The following KCND2 variants were observed in gnomAD, a reference collection of about 807,000 sequenced individuals.
KCND2 encodes A-type voltage-gated potassium channel KCND2.
A neutral mutation model predicts 54.4 loss-of-function variants in KCND2; 16 were observed. The observed-to-expected ratio is 0.29, with a 90% CI of 0.20 to 0.45. KCND2 has a LOEUF of 0.45. Ranked by LOEUF, KCND2 falls within the 20% of genes least tolerant of loss-of-function variation. The pLI is 1.00. For missense variants in KCND2, 486 were observed against 824.2 expected (o/e 0.59, Z 5.02); for synonymous variants, 317 against 310.7 (o/e 1.02, Z -0.21).
intron 1 of KCND2, among the ~76,000 whole-genome samples, chr7:120,560,785 CTGAG>C (rs1389306501): frequency 6.6e-6 from 1 of 152,116 alleles, no homozygotes; most frequent in Non-Finnish European, 1.5e-5. Flanking sequence ...ATTTTAAGCA[CTGAG>C]TAATTGCTCA....
intron 1 of KCND2, among the ~76,000 whole-genome samples, chr7:120,364,759 T>C (rs527349171): frequency 6.6e-6 from 1 of 151,552 alleles, no homozygotes; most frequent in African/African-American, 2.4e-5. Flanking sequence ...ACCTGGGGAG[T>C]GGTAGAGGAT....
chr7:120,299,856 T>C (rs567458261), intron 1 of KCND2, among the ~76,000 whole-genome samples: 1 of 152,346 alleles, frequency 6.6e-6, no homozygotes, highest in African/African-American at 2.4e-5. Context: ...AAGTGGCTGA[T>C]CCAGAGGTTT....
At chr7:120,489,287 A>T (rs955146499) in intron 1 of KCND2, among the ~76,000 whole-genome samples, 4 of 152,086 alleles carry the variant, frequency 2.6e-5, no homozygotes, top group African/African-American at 7.2e-5. Context: ...TATGAACTAG[A>T]TAGATGCATA....
chr7:120,425,908 C>T (rs117315555), intron 1 of KCND2, among the ~76,000 whole-genome samples: 3,074 of 151,172 alleles, frequency 0.02, 50 homozygotes, highest in Non-Finnish European at 0.031. Flanking sequence ...CTACTTTCCT[C>T]TTTCTCCTAT....
chr7:120,590,959 ATT>A (rs1000306693), intron 1 of KCND2, among the ~76,000 whole-genome samples: 1 of 151,558 alleles, frequency 6.6e-6, no homozygotes, highest in African/African-American at 2.4e-5. Context: ...ATGGTTGAAT[ATT>A]TTTTTTCTTG....
At position 120,462,649 on chromosome 7, in the gene KCND2, C is replaced by G. The variant is rs116591571; in HGVS notation, c.1115+186902C>G. ...CTATAATCTCTGCCCTGAGCCCTAT[C>G]CCTTGGCTGAAATAATCATTTACCT... On this transcript the variant is annotated intron_variant, in intron 1 of 5. Coordinates refer to ENST00000331113, the MANE Select transcript of KCND2 (RefSeq NM_012281.3). Among the ~76,000 whole-genome samples, 643 of 151,940 alleles carry G rather than the reference C, an allele frequency of 4.2e-3. 8 individuals carry two copies. Among genetic ancestry groups the G allele is most frequent in the African/African-American group, 0.015 (628 of 41,488 alleles).
rs116388267 is a variant in KCND2 at position 120,738,039 on chromosome 7, C to T, written c.1279-3495C>T. On this transcript the variant is annotated intron_variant, in intron 2 of 5. Coordinates refer to ENST00000331113, the MANE Select transcript of KCND2 (RefSeq NM_012281.3). ...TTGACTTCCACCCTCTGTTCCACAACATAAACTATAAAGTTTATGTCACTT... is the reference window on the plus strand; with the variant it reads ...TTGACTTCCACCCTCTGTTCCACAATATAAACTATAAAGTTTATGTCACTT... 8.0e-3 allele frequency among the ~76,000 whole-genome samples: 1,219 copies of T among 152,054 alleles called. 18 individuals are homozygous for T. The highest frequency in any genetic ancestry group is 0.028 in the African/African-American group (1,170 of 41,498).
chr7:120,304,858 C>T (rs926743738), intron 1 of KCND2, among the ~76,000 whole-genome samples: 11 of 152,078 alleles, frequency 7.2e-5, no homozygotes, highest in East Asian at 3.9e-4. Flanking sequence ...CCTGGGCAGG[C>T]GATAGGAATA....
chr7:120,686,787 A>G (rs896288253), intron 1 of KCND2, among the ~76,000 whole-genome samples: 6 of 152,074 alleles, frequency 3.9e-5, no homozygotes, highest in African/African-American at 1.4e-4. Context: ...GTGTTCCTAG[A>G]AAAAGGTCAT....
chr7:120,398,547 G>T (rs1244367897), intron 1 of KCND2, among the ~76,000 whole-genome samples: 1 of 152,018 alleles, frequency 6.6e-6, no homozygotes, highest in Non-Finnish European at 1.5e-5. Flanking sequence ...GTTTGTGGAG[G>T]CTTTACAGAA....
chr7:120,738,896 G>A (rs943841972), intron 2 of KCND2, among the ~76,000 whole-genome samples: 2 of 151,828 alleles, frequency 1.3e-5, no homozygotes, highest in Non-Finnish European at 2.9e-5. Flanking sequence ...ATTTGTTGTG[G>A]TGCTCCGCAA....
intron 1 of KCND2, among the ~76,000 whole-genome samples, chr7:120,697,380 ATTTT>A (rs571764791): frequency 6.6e-6 from 1 of 151,974 alleles, no homozygotes. Flanking sequence ...GTATGTGAAG[ATTTT>A]TTTTATTATA....
rs1477255483 is a variant in KCND2 at position 120,568,776 on chromosome 7, G to C, written c.1116-164127G>C. On this transcript the variant is annotated intron_variant, in intron 1 of 5. Transcript: ENST00000331113. ...AGGTGGTACTTCATAGGGTTGCTTT[G>C]AGGATAAAACAAGTTAATTTAGAAA... is the stretch of plus-strand genomic sequence containing the variant. Among the ~76,000 whole-genome samples, 3 of 152,254 alleles carry C rather than the reference G, an allele frequency of 2.0e-5. No individual in the cohort carries two copies. The South Asian group carries it at 6.2e-4, about 32-fold the overall frequency.
At chr7:120,327,262 T>G (rs1415146720) in intron 1 of KCND2, among the ~76,000 whole-genome samples, 1 of 152,058 alleles carries the variant, frequency 6.6e-6, no homozygotes, top group Non-Finnish European at 1.5e-5. Context: ...CTGCAGATGG[T>G]ATAACACAGG....
chr7:120,712,608 T>C (rs933587300), intron 1 of KCND2, among the ~76,000 whole-genome samples: 1 of 151,958 alleles, frequency 6.6e-6, no homozygotes, highest in Non-Finnish European at 1.5e-5. Flanking sequence ...GGAATACAAA[T>C]GAATAAAAGA....
rs1023802498 is a variant in KCND2, at chr7:120,637,264, T to C, written c.1116-95639T>C. ...AGGAGAGTAAAATTAAATAAGAAACTGGTGAGAACAAAAAGTCCAGGCATT... is the reference window on the plus strand; with the variant it reads ...AGGAGAGTAAAATTAAATAAGAAACCGGTGAGAACAAAAAGTCCAGGCATT... On this transcript the variant is annotated intron_variant, in intron 1 of 5. Transcript: ENST00000331113. Among the ~76,000 whole-genome samples the C allele has an allele frequency of 2.0e-5, 3 of 152,200 alleles. No homozygotes were observed. The East Asian group carries it at 5.8e-4, about 29-fold the overall frequency.
chr7:120,307,174 A>C (rs1412787053), intron 1 of KCND2, among the ~76,000 whole-genome samples: 1 of 152,038 alleles, frequency 6.6e-6, no homozygotes, highest in Non-Finnish European at 1.5e-5. Flanking sequence ...TTTTCTATCT[A>C]ATAGACACAA....
intron 1 of KCND2, among the ~76,000 whole-genome samples, chr7:120,295,222 G>A (rs2116283635): frequency 6.6e-6 from 1 of 151,880 alleles, no homozygotes; most frequent in East Asian, 1.9e-4. Flanking sequence ...AAAATATCAA[G>A]ATCTCTTCTT....
chr7:120,521,662 T>C (rs767073733), intron 1 of KCND2, among the ~76,000 whole-genome samples: 83 of 152,264 alleles, frequency 5.5e-4, no homozygotes, highest in South Asian at 2.3e-3. Flanking sequence ...GAGATTCAAA[T>C]GAAGAAAATA....
Sources: allele counts gnomAD v4.1 joint callset (sites outside exome capture counted in the v4.1 genomes callset), GRCh38; gene constraint gnomAD v4.1.1; transcripts MANE v1.5; gene names NCBI Gene and HGNC (gene_info 2026-07-23, HGNC 2026-07-21).